The following BMP7 variants were observed in gnomAD, a reference collection of about 807,000 sequenced individuals.
The protein encoded by BMP7 is osteogenic protein 1.
In BMP7, 12 loss-of-function variants were observed where a neutral mutation model predicts 41.2. The observed-to-expected ratio is 0.29, with a 90% CI of 0.19 to 0.47. BMP7 has a LOEUF of 0.47. BMP7 is among the 20% of genes least tolerant of loss of function. The pLI is 0.99. For missense variants in BMP7, 467 were observed against 606.0 expected (o/e 0.77, Z 2.41); for synonymous variants, 248 against 250.0 (o/e 0.99, Z 0.07).
intron 4 of BMP7, among the ~76,000 whole-genome samples, chr20:57,182,605 C>T (rs1429937989): frequency 6.6e-6 from 1 of 152,224 alleles, no homozygotes; most frequent in Non-Finnish European, 1.5e-5. Context: ...ACCCCAGGGA[C>T]CCAATCCCAG....
intron 4 of BMP7, chr20:57,177,726 G>A (rs1041155460): frequency 4.6e-5 from 7 of 152,200 alleles, no homozygotes; most frequent in African/African-American, 9.7e-5. Flanking sequence ...GATTATAACC[G>A]AATCACATGT....
chr20:57,242,625 A>G (rs1288015626), intron 1 of BMP7, among the ~76,000 whole-genome samples: 1 of 152,216 alleles, frequency 6.6e-6, no homozygotes, highest in African/African-American at 2.4e-5. Flanking sequence ...GCACACTGAG[A>G]CACGTGGGGC....
At chr20:57,216,858 G>C (rs991072903) in intron 2 of BMP7, among the ~76,000 whole-genome samples, 2 of 152,160 alleles carry the variant, frequency 1.3e-5, no homozygotes, top group African/African-American at 4.8e-5. Flanking sequence ...CCAGACATGG[G>C]CTGGAGGAGA....
At chr20:57,188,141 CTT>C (rs1395909783) in intron 3 of BMP7, among the ~76,000 whole-genome samples, 4 of 152,296 alleles carry the variant, frequency 2.6e-5, no homozygotes, top group African/African-American at 9.6e-5. Flanking sequence ...ACATGAAAAA[CTT>C]GTACACAAGA....
At chr20:57,207,957 G>A (rs1258138722) in intron 2 of BMP7, among the ~76,000 whole-genome samples, 3 of 151,290 alleles carry the variant, frequency 2.0e-5, no homozygotes, top group African/African-American at 7.3e-5. Flanking sequence ...AGCCTCCCCA[G>A]TAGCTGGGAC....
intron 4 of BMP7, among the ~76,000 whole-genome samples, chr20:57,179,519 G>A (rs895885754): frequency 3.9e-5 from 6 of 152,262 alleles, no homozygotes; most frequent in Non-Finnish European, 8.8e-5. Flanking sequence ...TGAAGAGCAC[G>A]TGAAGCCCCG....
intron 2 of BMP7, among the ~76,000 whole-genome samples, chr20:57,207,825 T>C (rs1266540588): frequency 7.2e-6 from 1 of 139,052 alleles, no homozygotes; most frequent in Non-Finnish European, 1.6e-5. Context: ...TTTTTTTTTT[T>C]TTTTTTTTTT....
At chr20:57,205,922 C>T (rs758172479) in intron 2 of BMP7, among the ~76,000 whole-genome samples, 45 of 152,170 alleles carry the variant, frequency 3.0e-4, no homozygotes, top group Non-Finnish European at 4.4e-4. Context: ...TCAGAAGGCA[C>T]TGGGAGACGG....
intron 3 of BMP7, among the ~76,000 whole-genome samples, chr20:57,199,919 T>TC (rs1426298893): frequency 6.6e-6 from 1 of 152,162 alleles, no homozygotes; most frequent in Non-Finnish European, 1.5e-5. Flanking sequence ...AAAGATGGTG[T>TC]CCCGGAGTCA....
In BMP7 at chr20:57,228,115, CA is replaced by C; in HGVS notation, c.611+113del. On this transcript the variant is annotated intron_variant, in intron 2 of 6. Transcript: ENST00000395863. The surrounding 1 kb of genome is among the most constrained non-coding windows in gnomAD (Gnocchi z 4.5). ...CTTCTTTAGAAGGGATAATCTGGTA[CA>C]GGGCCTGGCACGTGGTTGTGCCAAT... The C allele has an allele frequency of 8.5e-7, 1 of 1,174,930 alleles. No homozygotes were observed. The highest frequency in any genetic ancestry group is 2.3e-5 in the East Asian group (1 of 42,866). The allele number at this position is 1,174,930 out of a possible 1,614,324, so 72.8% of individuals were successfully genotyped here.
rs750288645 is a variant in BMP7, at chr20:57,261,152, G to A, written c.418+4553C>T. Among the ~76,000 whole-genome samples the A allele has an allele frequency of 7.2e-5, 11 of 152,194 alleles. No individual in the cohort carries two copies. Among genetic ancestry groups the A allele is most frequent in the Admixed American group, 2.0e-4 (3 of 15,284 alleles). ...TATTCACTCACATCGCAGGCATTCC[G>A]GTGGTGAGGGGATCGCGCACCAGCT... On this transcript the variant is annotated intron_variant, in intron 1 of 6. Coordinates refer to ENST00000395863, the MANE Select transcript of BMP7 (RefSeq NM_001719.3). The surrounding 1 kb of genome is among the most constrained non-coding windows in gnomAD (Gnocchi z 4.1).
intron 2 of BMP7, among the ~76,000 whole-genome samples, chr20:57,210,195 CCG>C (rs1280997263): frequency 6.6e-6 from 1 of 152,246 alleles, no homozygotes; most frequent in Non-Finnish European, 1.5e-5. Context: ...CCCAATGCCG[CCG>C]CACTAAGAGG....
chr20:57,235,219 C>T (rs2066043035), intron 1 of BMP7, among the ~76,000 whole-genome samples: 1 of 152,208 alleles, frequency 6.6e-6, no homozygotes, highest in African/African-American at 2.4e-5. Flanking sequence ...TGTCTAGAAC[C>T]CTATCGTATG....
chr20:57,190,219 G>A (rs1206300454), intron 3 of BMP7, among the ~76,000 whole-genome samples: 1 of 151,616 alleles, frequency 6.6e-6, no homozygotes, highest in African/African-American at 2.4e-5. Flanking sequence ...AGGAACCAGA[G>A]GGGGTGAGGC....
intron 2 of BMP7, among the ~76,000 whole-genome samples, chr20:57,207,811 G>GTTTTTTT (rs572613876): frequency 1.8e-5 from 2 of 109,982 alleles, no homozygotes; most frequent in Non-Finnish European, 1.7e-5. Flanking sequence ...ACCCCAGTTG[G>GTTTTTTT]TTTTTTTTTT....
At chr20:57,245,134 G>T (rs2123134277) in intron 1 of BMP7, among the ~76,000 whole-genome samples, 1 of 152,302 alleles carries the variant, frequency 6.6e-6, no homozygotes, top group Admixed American at 6.5e-5. Context: ...ACGTACAAAA[G>T]CCGCCCCAGG....
At chr20:57,220,432 C>G (rs553782464) in intron 2 of BMP7, among the ~76,000 whole-genome samples, 77 of 152,316 alleles carry the variant, frequency 5.1e-4, no homozygotes, top group Non-Finnish European at 1.0e-3. Flanking sequence ...GCCAAAAAAG[C>G]TAAAGCAATT....
At chr20:57,202,693 G>C in intron 2 of BMP7, 70 bp from the exon 3 acceptor site, 2 of 772,298 alleles carry the variant, frequency 2.6e-6, no homozygotes, top group Non-Finnish European at 4.0e-6. Context: ...CAACAGATGG[G>C]AAGCAGAGCC....
At chr20:57,231,048 C>T (rs529032505) in intron 1 of BMP7, among the ~76,000 whole-genome samples, 3 of 152,332 alleles carry the variant, frequency 2.0e-5, no homozygotes, top group Middle Eastern at 3.4e-3. Flanking sequence ...AACCCAGTCA[C>T]GGAGATTCCT....
Sources: gnomAD v4.1 joint callset for allele counts (sites outside exome capture counted in the v4.1 genomes callset) on GRCh38, gnomAD v4.1.1 for gene constraint, Gnocchi (gnomAD v3.1) non-coding constraint, MANE v1.5 for transcripts, NCBI Gene and HGNC (gene_info 2026-07-23, HGNC 2026-07-21) for gene names.